TIMM44: variants seen among roughly 807,000 people sequenced by gnomAD.
TIMM44 encodes mitochondrial import inner membrane translocase subunit TIM44.
In TIMM44, 37 loss-of-function variants were observed where a neutral mutation model predicts 63.8. The ratio of observed to expected loss-of-function variants is 0.58; its 90% confidence interval spans 0.45 to 0.76. TIMM44 has a LOEUF of 0.76. TIMM44 is among the 30% of genes least tolerant of loss of function. The pLI, the probability that TIMM44 is intolerant of heterozygous loss-of-function variation, is 0.00. For missense variants in TIMM44, 573 were observed against 603.8 expected, an observed-to-expected ratio of 0.95 and a Z score of 0.54; for synonymous variants, 239 against 245.1, an observed-to-expected ratio of 0.98 and a Z score of 0.23.
At chr19:7,932,410 TGGAGGTACC>T in intron 9 of TIMM44, 1 of 615,450 alleles carries the variant, frequency 1.6e-6, no homozygotes, top group Non-Finnish European at 2.8e-6. Context: ...GAAACAGACC[TGGAGGTACC>T]GGAGGTGCCG....
chr19:7,938,011 C>G lies in TIMM44; in HGVS notation c.312+16G>C, dbSNP rs574519939. 25 of 1,613,912 alleles carry G rather than the reference C, an allele frequency of 1.5e-5. 1 individual carries two copies. The South Asian group carries it at 2.6e-4, about 17-fold the overall frequency. ...CCAGCCTGGGTGAGGGAAAAAAAAG[C>G]AGCAAAGAAACTCACGTATTTCCTT... is the stretch of plus-strand genomic sequence containing the variant. On this transcript the variant is annotated intron_variant, in intron 3 of 12. Coordinates refer to ENST00000270538, the MANE Select transcript of TIMM44 (RefSeq NM_006351.4).
chr19:7,927,581 C>A, intron 12 of TIMM44, 76 bp downstream of exon 12: 1 of 1,433,766 alleles, frequency 7.0e-7, no homozygotes, highest in South Asian at 1.1e-5. Flanking sequence ...GAGCTGGGGT[C>A]TCTGCCAGGT....
intron 4 of TIMM44, 52 bp downstream of exon 4, chr19:7,935,013 G>T: frequency 2.0e-6 from 3 of 1,538,156 alleles, no homozygotes; most frequent in East Asian, 2.3e-5. Context: ...GCCTCCAGCG[G>T]CCAGGGGACT....
At position 7,927,302 on chromosome 19, in the gene TIMM44, T is replaced by C. The variant is rs779214353; in HGVS notation, c.1244A>G (p.Lys415Arg). ...CCACACGTACAGCATCCGCAGCACC[T>C]TGTCCTGCAGGGTGGGGTGGGAAGG... is the stretch of plus-strand genomic sequence containing the variant. The part of the protein sequence containing the change: ...KGEVVEGDPD[K>R]VLRMLYVWAL... Residue 415 changes from lysine (K) to arginine (R), a missense_variant, in exon 13 of 13, where the codon AAG becomes AGG. Transcript: ENST00000270538. 1.9e-6 allele frequency: 3 copies of C among 1,610,680 alleles called. No homozygotes were observed. The highest frequency in any genetic ancestry group is 2.2e-5 in the East Asian group (1 of 44,848).
Position 7,933,681 on chromosome 19 carries a change from A to G in TIMM44, c.684-111T>C. The G allele has an allele frequency of 1.5e-6, 2 of 1,297,854 alleles. No homozygotes were observed. The highest frequency in any genetic ancestry group is 1.7e-5 in the Admixed American group (1 of 58,226). The allele number at this position is 1,297,854 out of a possible 1,614,324, so 80.4% of individuals were successfully genotyped here. On this transcript the variant is annotated intron_variant, in intron 6 of 12. Coordinates refer to ENST00000270538, the MANE Select transcript of TIMM44 (RefSeq NM_006351.4). The surrounding 1 kb of genome is among the most constrained non-coding windows in gnomAD (Gnocchi z 4.3). Reference sequence around the variant, plus strand: ...GGACAGCAGGCAGCTGAGACCTCAAACCTAGGGGCTCTGAGGACCCCGCCC... The same window carrying G: ...GGACAGCAGGCAGCTGAGACCTCAAGCCTAGGGGCTCTGAGGACCCCGCCC...
chr19:7,932,944 G>T lies in TIMM44; in HGVS notation c.770-12C>A. The T allele has an allele frequency of 6.2e-7, 1 of 1,611,968 alleles. No homozygotes were observed. Among genetic ancestry groups the T allele is most frequent in the Non-Finnish European group, 8.5e-7 (1 of 1,178,190 alleles). On this transcript the variant is annotated splice_polypyrimidine_tract_variant and intron_variant, in intron 7 of 12. Coordinates refer to ENST00000270538, the MANE Select transcript of TIMM44 (RefSeq NM_006351.4). ...CATCTCGAAGAACCCTGTGGAAGAT[G>T]GGGTAGGTGCTGGAGAAGGGGCCCC... is the stretch of plus-strand genomic sequence containing the variant.
chr19:7,936,365 C>T (rs1374626257), intron 3 of TIMM44, among the ~76,000 whole-genome samples: 4 of 152,116 alleles, frequency 2.6e-5, no homozygotes, highest in East Asian at 1.9e-4. Context: ...GCAGGAGAAT[C>T]GCTTGAACCC....
At chr19:7,937,788 C>T (rs1020550533) in intron 3 of TIMM44, 10 of 463,188 alleles carry the variant, frequency 2.2e-5, no homozygotes, top group African/African-American at 1.2e-4. Flanking sequence ...AAGGCTGAGG[C>T]GGGCGGATCA....
intron 10 of TIMM44, 149 bp from the exon 11 acceptor site, chr19:7,928,315 C>T: frequency 1.6e-6 from 1 of 641,826 alleles, no homozygotes; most frequent in East Asian, 2.7e-5. Flanking sequence ...AGTGGGGAGG[C>T]AGGTGCCACC....
In TIMM44 at chr19:7,927,170, T is replaced by C. The variant is rs763678510; in HGVS notation, c.*17A>G. Reference sequence around the variant, plus strand: ...CCTGATGACCCAGGCCGGGGCTACCTGGCTCCGGCACCACACTCAGAGAAT... The same window carrying C: ...CCTGATGACCCAGGCCGGGGCTACCCGGCTCCGGCACCACACTCAGAGAAT... On this transcript the variant is annotated 3_prime_UTR_variant, in exon 13 of 13. Transcript: ENST00000270538. 7 of 1,602,464 alleles carry C rather than the reference T, an allele frequency of 4.4e-6. No homozygotes were observed. The highest frequency in any genetic ancestry group is 5.1e-6 in the Non-Finnish European group (6 of 1,178,480).
At chr19:7,940,294 G>A (rs1362105641) in intron 2 of TIMM44, among the ~76,000 whole-genome samples, 1 of 151,560 alleles carries the variant, frequency 6.6e-6, no homozygotes, top group South Asian at 2.1e-4. Flanking sequence ...CTGTCAGCAG[G>A]CTGCAGTCCC....
chr19:7,928,878 T>A (rs1201333813), intron 10 of TIMM44: 1 of 132,504 alleles, frequency 7.5e-6, no homozygotes, highest in Non-Finnish European at 1.5e-5. Flanking sequence ...GCAAAGCGAG[T>A]CAGCTGTGGC....
At chr19:7,940,024 G>T (rs1224329221) in intron 2 of TIMM44, among the ~76,000 whole-genome samples, 1 of 152,178 alleles carries the variant, frequency 6.6e-6, no homozygotes, top group East Asian at 1.9e-4. Flanking sequence ...CCAGCTCCAG[G>T]TGGGATCCCC....
At position 7,934,856 on chromosome 19, in the gene TIMM44, C is replaced by T. The variant is rs1435863756; in HGVS notation, c.393+209G>A. On this transcript the variant is annotated intron_variant, in intron 4 of 12. Coordinates refer to ENST00000270538, the MANE Select transcript of TIMM44 (RefSeq NM_006351.4). The surrounding 1 kb of genome is among the most constrained non-coding windows in gnomAD (Gnocchi z 5.3). ...CTAGCAGCACTTACTGCTGCCGACT[C>T]CCTGGGTCAACGGTCATGCAAGGTT... Among the ~76,000 whole-genome samples, 2 of 152,198 alleles carry T rather than the reference C, an allele frequency of 1.3e-5. No individual in the cohort carries two copies. The highest frequency in any genetic ancestry group is 2.9e-5 in the Non-Finnish European group (2 of 68,030).
intron 9 of TIMM44, 141 bp downstream of exon 9, chr19:7,932,486 A>G: frequency 8.3e-7 from 1 of 1,204,086 alleles, no homozygotes; most frequent in Admixed American, 2.0e-5. Flanking sequence ...GCCGGGCAGG[A>G]GCCCGTGTGC....
intron 3 of TIMM44, 155 bp from the exon 4 acceptor site, chr19:7,935,300 G>A (rs1392461221): frequency 2.9e-6 from 2 of 684,344 alleles, no homozygotes; most frequent in Non-Finnish European, 2.5e-6. Flanking sequence ...CGAGTAGCTG[G>A]GACTACAGGG....
Position 7,928,161 on chromosome 19 carries a change from G to T in TIMM44, c.1044C>A (p.Tyr348Ter). The T allele has an allele frequency of 6.2e-7, 1 of 1,613,572 alleles. No homozygotes were observed. The highest frequency in any genetic ancestry group is 1.1e-5 in the South Asian group (1 of 91,012). Reference protein sequence around the residue: ...ILKDWCYEATYSQLAHPIQQA... With the variant: ...ILKDWCYEAT ...GCTGGATGGGGTGGGCCAGCTGGCT[G>T]TAAGTCTGCAATGAGAGGCCGACAC... Residue 348 changes from tyrosine to a stop codon, truncating the protein, a stop_gained, in exon 11 of 13, where the codon TAC becomes TAA. Coordinates refer to ENST00000270538, the MANE Select transcript of TIMM44 (RefSeq NM_006351.4). LOFTEE classifies it high-confidence loss of function.
At chr19:7,941,478 C>G (rs35406105) in intron 1 of TIMM44, among the ~76,000 whole-genome samples, 14,438 of 151,760 alleles carry the variant, frequency 0.095, 798 homozygotes, top group African/African-American at 0.16. Context: ...AGGAGAGAAG[C>G]GGTTTTGCCA....
At chr19:7,935,729 G>A (rs1226513345) in intron 3 of TIMM44, among the ~76,000 whole-genome samples, 1 of 152,184 alleles carries the variant, frequency 6.6e-6, no homozygotes, top group Non-Finnish European at 1.5e-5. Context: ...CTTTCACCGG[G>A]TGGTAGGAGG....
Sources: gnomAD v4.1 joint callset for allele counts (sites outside exome capture counted in the v4.1 genomes callset) on GRCh38, gnomAD v4.1.1 for gene constraint, Gnocchi (gnomAD v3.1) non-coding constraint, MANE v1.5 for transcripts, NCBI Gene and HGNC (gene_info 2026-07-23, HGNC 2026-07-21) for gene names.